SENP7: variants seen among roughly 807,000 people sequenced by gnomAD.
SENP7 encodes sentrin-specific protease 7.
A neutral mutation model predicts 141.2 loss-of-function variants in SENP7; 64 were observed. That is an observed-to-expected ratio of 0.45 (90% CI 0.37 to 0.56). The LOEUF is 0.56. SENP7 is among the 20% of genes least tolerant of loss of function. The pLI, the probability that SENP7 is intolerant of heterozygous loss-of-function variation, is 0.00. For missense variants in SENP7, 1,025 were observed against 1,212.2 expected (o/e 0.85, Z 2.29); for synonymous variants, 382 against 426.4 (o/e 0.90, Z 1.28).
At chr3:101,414,121 C>T in intron 5 of SENP7, 1 of 441,818 alleles carries the variant, frequency 2.3e-6, no homozygotes, top group Non-Finnish European at 4.0e-6. Context: ...TGAACTGATG[C>T]ACTGGCAATA....
At position 101,361,844 on chromosome 3, in the gene SENP7, G is replaced by C; in HGVS notation, c.1494C>G (p.Cys498Trp). ...TGTTCTCCATGACAGGATTATATGGGCATAATTCAGATGACATCTAACAAG... is the reference window on the plus strand; with the variant it reads ...TGTTCTCCATGACAGGATTATATGGCCATAATTCAGATGACATCTAACAAG... ...CESVQMSSEL[C>W]PYNPVMENIS... Residue 498 changes from cysteine to tryptophan, a missense_variant, in exon 11 of 24, where the codon TGC becomes TGG. By Grantham distance (215) the Cys-to-Trp change is radical (BLOSUM62 -2). Around this residue, in one of 4 missense-constraint regions of SENP7, gnomAD observed 228 missense variants for 228.5 expected, o/e 1.00. Coordinates refer to ENST00000394095, the MANE Select transcript of SENP7 (RefSeq NM_020654.5). 1.9e-6 allele frequency: 3 copies of C among 1,602,902 alleles called. No homozygotes were observed. The highest frequency in any genetic ancestry group is 2.6e-6 in the Non-Finnish European group (3 of 1,176,362).
intron 4 of SENP7, chr3:101,457,464 G>T: frequency 6.2e-7 from 1 of 1,606,942 alleles, no homozygotes; most frequent in Non-Finnish European, 8.5e-7. Flanking sequence ...GCCTGTAATG[G>T]TGAAAGTGTT....
At chr3:101,337,981 C>T (rs2059232042) in intron 16 of SENP7, among the ~76,000 whole-genome samples, 1 of 151,852 alleles carries the variant, frequency 6.6e-6, no homozygotes, top group Admixed American at 6.6e-5. Context: ...GGTGAAACCC[C>T]GTCTCTACTA....
chr3:101,384,619 C>G lies in SENP7; in HGVS notation c.678-12493G>C, dbSNP rs537346711. On this transcript the variant is annotated intron_variant, in intron 6 of 23. Coordinates refer to ENST00000394095, the MANE Select transcript of SENP7 (RefSeq NM_020654.5). ...CACAGCCGACATGCCTGGCTGTGCA[C>G]AGTGGCCAGACCCAGCACTCACTCG... Among the ~76,000 whole-genome samples the G allele has an allele frequency of 1.5e-3, 228 of 152,352 alleles. 1 individual carries two copies. The highest frequency in any genetic ancestry group is 5.3e-3 in the African/African-American group (222 of 41,578).
chr3:101,395,477 G>A (rs1225069027), intron 6 of SENP7, among the ~76,000 whole-genome samples: 2 of 152,102 alleles, frequency 1.3e-5, no homozygotes, highest in Non-Finnish European at 2.9e-5. Flanking sequence ...TAGGTTCTCT[G>A]TTCTGTTCCG....
At chr3:101,398,755 AG>A (rs2061045042) in intron 6 of SENP7, 105 bp downstream of exon 6, 1 of 820,068 alleles carries the variant, frequency 1.2e-6, no homozygotes, top group African/African-American at 1.7e-5. Context: ...CAGCTATCAG[AG>A]CACATTTACC....
chr3:101,444,114 T>C (rs916575270), intron 4 of SENP7, among the ~76,000 whole-genome samples: 11 of 133,886 alleles, frequency 8.2e-5, no homozygotes, highest in Non-Finnish European at 1.6e-4. Context: ...AAGAAGACAT[T>C]TATGCAGCCA....
chr3:101,358,290 G>T, intron 11 of SENP7: 1 of 1,062,302 alleles, frequency 9.4e-7, no homozygotes, highest in Admixed American at 1.9e-5. Flanking sequence ...GCTTTTAACT[G>T]GTCCTCAGCC....
At chr3:101,346,916 T>A (rs1414478964) in intron 13 of SENP7, among the ~76,000 whole-genome samples, 8 of 137,938 alleles carry the variant, frequency 5.8e-5, no homozygotes, top group East Asian at 2.1e-4. Flanking sequence ...AAAAAAAAAA[T>A]TTAATAAAAG....
At chr3:101,499,010 C>T (rs1383913795) in intron 2 of SENP7, among the ~76,000 whole-genome samples, 1 of 152,124 alleles carries the variant, frequency 6.6e-6, no homozygotes, top group African/African-American at 2.4e-5. Flanking sequence ...GTTTAAGGTA[C>T]TGTATCAATA....
intron 21 of SENP7, 37 bp from the exon 22 acceptor site, chr3:101,328,583 C>T (rs773519250): frequency 4.4e-6 from 7 of 1,599,840 alleles, no homozygotes; most frequent in Non-Finnish European, 6.0e-6. Context: ...GATTTACATA[C>T]TTGTATACAA....
intron 6 of SENP7, among the ~76,000 whole-genome samples, chr3:101,383,302 A>T (rs1442597246): frequency 6.6e-6 from 1 of 152,190 alleles, no homozygotes; most frequent in African/African-American, 2.4e-5. Context: ...TGGCAGCAGC[A>T]GCAGCCCATC....
At chr3:101,386,107 C>T (rs1000750267) in intron 6 of SENP7, among the ~76,000 whole-genome samples, 6 of 152,064 alleles carry the variant, frequency 3.9e-5, no homozygotes, top group African/African-American at 7.2e-5. Flanking sequence ...GCCTCCTCCA[C>T]AATTAAGAAC....
intron 3 of SENP7, among the ~76,000 whole-genome samples, chr3:101,483,126 A>G (rs968624813): frequency 6.6e-6 from 1 of 152,216 alleles, no homozygotes; most frequent in African/African-American, 2.4e-5. Flanking sequence ...TCATTCTGCC[A>G]AAAAGACACA....
chr3:101,332,060 C>A lies in SENP7; in HGVS notation c.2623G>T (p.Val875Leu). Reference sequence around the variant, plus strand: ...ACAGTTTGTGGAAAATCTTCATACACAGCTTCTTCTAACCATGGAAAACAA... The same window carrying A: ...ACAGTTTGTGGAAAATCTTCATACAAAGCTTCTTCTAACCATGGAAAACAA... ...VICFPWLEEA[V>L]YEDFPQTVSQ... is the part of the protein sequence containing the mutation. The change falls in exon 19 of 24, where the codon GTG (valine) becomes TTG (leucine). Residue 875 changes from valine (V) to leucine (L), a missense_variant. By Grantham distance (32) the Val-to-Leu change is conservative. This residue lies in a region of SENP7 where 295 missense variants were observed against 459.1 expected (regional missense o/e 0.64). Coordinates refer to ENST00000394095, the MANE Select transcript of SENP7 (RefSeq NM_020654.5). The A allele has an allele frequency of 6.2e-7, 1 of 1,613,462 alleles. No homozygotes were observed. The highest frequency in any genetic ancestry group is 8.5e-7 in the Non-Finnish European group (1 of 1,179,638).
At chr3:101,372,877 A>C (rs1456550810) in intron 6 of SENP7, among the ~76,000 whole-genome samples, 1 of 152,008 alleles carries the variant, frequency 6.6e-6, no homozygotes, top group African/African-American at 2.4e-5. Context: ...AATAGGAATT[A>C]TATTGGTTAA....
intron 10 of SENP7, 46 bp downstream of exon 10, chr3:101,364,788 A>T (rs1162713900): frequency 7.8e-7 from 1 of 1,284,102 alleles, no homozygotes; most frequent in Admixed American, 2.2e-5. Flanking sequence ...ATTAACCAAT[A>T]GTGTACATTT....
intron 3 of SENP7, among the ~76,000 whole-genome samples, chr3:101,474,539 G>T (rs2064138496): frequency 6.6e-6 from 1 of 152,140 alleles, no homozygotes; most frequent in Admixed American, 6.6e-5. Context: ...TGTATGCTGA[G>T]ACTTTGCTGA....
Position 101,459,057 on chromosome 3 carries a change from GAA to G in SENP7, c.187-7_187-6del, listed in dbSNP as rs151020849. On this transcript the variant is annotated splice_region_variant and splice_polypyrimidine_tract_variant and intron_variant, in intron 3 of 23. Transcript: ENST00000394095. ...ATTCCTTAGGCTTCTTTCCCACTAG[GAA>G]AAAAAAAATGAAATTTTAATAATAA... is the stretch of plus-strand genomic sequence containing the variant. The G allele has an allele frequency of 1.8e-5, 25 of 1,402,304 alleles. No individual in the cohort carries two copies. Among genetic ancestry groups the G allele is most frequent in the Admixed American group, 8.6e-5 (4 of 46,782 alleles). The allele number at this position is 1,402,304 out of a possible 1,614,324, so 86.9% of individuals were successfully genotyped here. A position where few individuals can be genotyped will look rare whatever the true frequency, so the allele number is the denominator to read the frequency against.
Sources: allele counts gnomAD v4.1 joint callset (sites outside exome capture counted in the v4.1 genomes callset), GRCh38; gene constraint gnomAD v4.1.1; regional missense constraint gnomAD v4.1.1; transcripts MANE v1.5; gene names NCBI Gene and HGNC (gene_info 2026-07-23, HGNC 2026-07-21).